Variants in NAA11 observed in about 807,000 individuals in gnomAD.
The protein encoded by NAA11 is N-alpha-acetyltransferase 11, NatA catalytic subunit.
NAA11 carries 15 observed loss-of-function variants against 16.1 expected under a neutral mutation model. The ratio of observed to expected loss-of-function variants is 0.93; its 90% CI spans 0.62 to 1.44. The LOEUF is 1.44. Ranked by LOEUF, NAA11 falls within the 40% of genes most tolerant of loss-of-function variation. The pLI is 0.00. For synonymous variants in NAA11, 122 were observed against 112.4 expected (o/e 1.09, Z -0.54); for missense variants, 298 against 291.3 (o/e 1.02, Z -0.17).
At chr4:79,314,641 T>TAAAAA (rs375245497), downstream of NAA11, among the ~76,000 whole-genome samples, 16 of 98,052 alleles carry the variant, frequency 1.6e-4, no homozygotes, top group South Asian at 4.0e-4. Context: ...TCCTTAAAAT[T>TAAAAA]AAAAAAAAAA....
At chr4:79,319,997 A>G (rs796969249) in intron 1 of NAA11, among the ~76,000 whole-genome samples, 16 of 152,362 alleles carry the variant, frequency 1.1e-4, no homozygotes, top group African/African-American at 3.8e-4. Flanking sequence ...TCACTGAAGT[A>G]ACCTTACTTA....
At position 79,297,523 on chromosome 4, in the gene NAA11, T is replaced by C. The variant is rs148729501; in HGVS notation, c.*13-3409A>G. ...CCCCCTGTCCCCTCAGGCTGGGCAG[T>C]GTCTGCTCCCACTGACTTGCCTCTT... On this transcript the variant is annotated intron_variant and NMD_transcript_variant, in intron 1 of 2. Transcript: ENST00000511542. Among the ~76,000 whole-genome samples, 462 of 152,304 alleles carry C rather than the reference T, an allele frequency of 3.0e-3. 3 individuals carry two copies. Among genetic ancestry groups the C allele is most frequent in the African/African-American group, 0.011 (439 of 41,582 alleles).
intron 2 of NAA11, among the ~76,000 whole-genome samples, chr4:79,234,240 T>A (rs1721525788): frequency 6.6e-6 from 1 of 151,428 alleles, no homozygotes; most frequent in Non-Finnish European, 1.5e-5. Context: ...TTACCAATTA[T>A]CTCTCTCTCT....
At chr4:79,208,443 A>G in the NAA11 span, among the ~76,000 whole-genome samples, 1 of 152,182 alleles carries the variant, frequency 6.6e-6, no homozygotes, top group Non-Finnish European at 1.5e-5. Context: ...GACTTCCAAT[A>G]CAGATATTTT....
chr4:79,157,571 A>C, the NAA11 span, among the ~76,000 whole-genome samples: 1 of 151,954 alleles, frequency 6.6e-6, no homozygotes, highest in Non-Finnish European at 1.5e-5. Flanking sequence ...ATATGTATGT[A>C]TATATACATA....
chr4:79,305,277 T>A (rs183980521), intron 1 of NAA11: 1 of 152,344 alleles, frequency 6.6e-6, no homozygotes, highest in East Asian at 1.9e-4. Flanking sequence ...TAAAATACTT[T>A]ACATAGATCT....
At chr4:79,297,712 G>A (rs913846445) in intron 1 of NAA11, among the ~76,000 whole-genome samples, 1 of 152,238 alleles carries the variant, frequency 6.6e-6, no homozygotes, top group Non-Finnish European at 1.5e-5. Flanking sequence ...ACGTGGTGGG[G>A]GGAGTTGAAG....
chr4:79,219,870 A>G, the NAA11 span, among the ~76,000 whole-genome samples: 1 of 152,224 alleles, frequency 6.6e-6, no homozygotes. Flanking sequence ...CAAATTAACG[A>G]TAATATCTGG....
chr4:79,207,367 T>TAAA, the NAA11 span, among the ~76,000 whole-genome samples: 6,526 of 115,754 alleles, frequency 0.056, 271 homozygotes, highest in Middle Eastern at 0.096. Flanking sequence ...TGAATGAGGT[T>TAAA]AAAAAAAAAA....
chr4:79,183,522 G>A, the NAA11 span, among the ~76,000 whole-genome samples: 1 of 151,994 alleles, frequency 6.6e-6, no homozygotes, highest in African/African-American at 2.4e-5. Context: ...TAACATTTTG[G>A]GAGAAATTCT....
intron 2 of NAA11, among the ~76,000 whole-genome samples, chr4:79,251,648 A>C (rs1344396985): frequency 2.0e-5 from 3 of 147,750 alleles, no homozygotes; most frequent in African/African-American, 7.4e-5. Context: ...AAAAAAAAAA[A>C]CACCTTTTGT....
chr4:79,233,820 T>C (rs548484667), intron 2 of NAA11, among the ~76,000 whole-genome samples: 131 of 152,202 alleles, frequency 8.6e-4, no homozygotes, highest in African/African-American at 3.1e-3. Context: ...TGATTTAAAT[T>C]GAAACAATTA....
chr4:79,175,596 C>T, the NAA11 span, among the ~76,000 whole-genome samples: 1 of 151,848 alleles, frequency 6.6e-6, no homozygotes, highest in Admixed American at 6.6e-5. Flanking sequence ...TATCCTTGCC[C>T]CCATTAACAA....
At chr4:79,185,065 G>T in the NAA11 span, among the ~76,000 whole-genome samples, 2 of 151,766 alleles carry the variant, frequency 1.3e-5, no homozygotes, top group Non-Finnish European at 2.9e-5. Flanking sequence ...GCCTGAGTTT[G>T]TTTTTTTAAT....
At chr4:79,269,879 A>T (rs998387063) in intron 2 of NAA11, among the ~76,000 whole-genome samples, 1 of 151,482 alleles carries the variant, frequency 6.6e-6, no homozygotes, top group East Asian at 1.9e-4. Context: ...TGATTTTTGT[A>T]TAAGGTGTAA....
chr4:79,227,568 T>A (rs888898080), intron 2 of NAA11: 6 of 151,944 alleles, frequency 3.9e-5, no homozygotes, highest in East Asian at 3.9e-4. Flanking sequence ...GAGAAGAGGA[T>A]GTTGCATGAA....
At chr4:79,210,422 T>G in the NAA11 span, among the ~76,000 whole-genome samples, 1 of 152,118 alleles carries the variant, frequency 6.6e-6, no homozygotes, top group African/African-American at 2.4e-5. Flanking sequence ...TCCTTTGTGG[T>G]TTTCCTGTTG....
At chr4:79,266,153 CAG>C (rs1262251009) in intron 2 of NAA11, among the ~76,000 whole-genome samples, 2 of 152,162 alleles carry the variant, frequency 1.3e-5, no homozygotes, top group Non-Finnish European at 2.9e-5. Context: ...AGTTTTATAA[CAG>C]AATGTGGGAC....
intron 2 of NAA11, among the ~76,000 whole-genome samples, chr4:79,250,130 G>C (rs1955232): frequency 0.7 from 106,098 of 152,262 alleles, 38,879 homozygotes; most frequent in East Asian, 0.89. Context: ...CAATCCACCC[G>C]CTATGAGGCC....
Sources: gnomAD v4.1 joint callset for allele counts (sites outside exome capture counted in the v4.1 genomes callset) on GRCh38, gnomAD v4.1.1 for gene constraint, MANE v1.5 for transcripts, NCBI Gene and HGNC (gene_info 2026-07-23, HGNC 2026-07-21) for gene names.